USP20: variants seen among roughly 807,000 people sequenced by gnomAD.
USP20 encodes the protein ubiquitin specific peptidase 20.
USP20 carries 80 observed loss-of-function variants against 124.2 expected under a neutral mutation model. The ratio of observed to expected loss-of-function variants is 0.64; its 90% CI spans 0.54 to 0.78. The LOEUF (loss-of-function observed/expected upper bound fraction) is 0.78, where lower values mean the gene tolerates loss of function less well. Ranked by LOEUF, USP20 falls within the 30% of genes least tolerant of loss-of-function variation. USP20 has a pLI of 0.00. For synonymous variants in USP20, 481 were observed against 512.3 expected (o/e 0.94, Z 0.83); for missense variants, 1,043 against 1,244.4 (o/e 0.84, Z 2.44).
chr9:129,880,936 C>G lies in USP20; in HGVS notation c.*486C>G, dbSNP rs1012632262. On this transcript the variant is annotated 3_prime_UTR_variant, in exon 26 of 26. Coordinates refer to ENST00000372429, the MANE Select transcript of USP20 (RefSeq NM_001110303.4). ...GTCCTCCCTGGTGGTCCCGCCGCAC[C>G]TCTGCATCTCCTGGGCGTCACCAGG... The G allele has an allele frequency of 6.5e-6, 1 of 152,696 alleles. No homozygotes were observed. Among genetic ancestry groups the G allele is most frequent in the African/African-American group, 2.4e-5 (1 of 41,462 alleles). 9.5% of individuals were successfully genotyped at this position (152,696 alleles called of 1,614,324 possible). A position where few individuals can be genotyped will look rare whatever the true frequency, so the allele number is the denominator to read the frequency against.
At chr9:129,843,195 C>T (rs1261375154) in intron 1 of USP20, among the ~76,000 whole-genome samples, 2 of 151,402 alleles carry the variant, frequency 1.3e-5, no homozygotes, top group African/African-American at 2.4e-5. Flanking sequence ...TTTGGGAGGC[C>T]GCAGTGGACA....
intron 22 of USP20, 109 bp from the exon 23 acceptor site, chr9:129,878,229 T>G (rs936094695): frequency 1.2e-6 from 1 of 865,912 alleles, no homozygotes; most frequent in Non-Finnish European, 1.9e-6. Context: ...GGTGTTTTTG[T>G]AAGACTCTTG....
chr9:129,873,455 C>T lies in USP20; in HGVS notation c.1661-27C>T, dbSNP rs1426043278. The T allele has an allele frequency of 1.3e-5, 21 of 1,614,090 alleles. No individual in the cohort carries two copies. In the East Asian group the frequency reaches 1.6e-4, roughly 12 times the overall value. Reference sequence around the variant, plus strand: ...TCCCTCATTTTGCATCCTTGCTAACCTCTGACCCTTTGTTTTACTGCCCTA... The same window carrying T: ...TCCCTCATTTTGCATCCTTGCTAACTTCTGACCCTTTGTTTTACTGCCCTA... On this transcript the variant is annotated intron_variant, in intron 15 of 25. Transcript: ENST00000372429.
At position 129,873,700 on chromosome 9, in the gene USP20, C is replaced by G. The variant is rs2034246433; in HGVS notation, c.1696C>G (p.Leu566Val). ...NMYSCERCKKLRNGVKYCKVL... is the reference protein window; with the variant it reads ...NMYSCERCKKVRNGVKYCKVL... Reference sequence around the variant, plus strand: ...TGCTGGCTCGTGCTTCCTCCCCAGGCTGCGGAACGGAGTGAAGTACTGCAA... The same window carrying G: ...TGCTGGCTCGTGCTTCCTCCCCAGGGTGCGGAACGGAGTGAAGTACTGCAA... The change falls in exon 17 of 26, where the codon CTG becomes GTG. Residue 566 changes from leucine (L) to valine (V), a missense_variant and splice_region_variant. Transcript: ENST00000372429. The G allele has an allele frequency of 6.2e-7, 1 of 1,613,366 alleles. No individual in the cohort carries two copies. The highest frequency in any genetic ancestry group is 1.7e-5 in the Admixed American group (1 of 60,010).
At position 129,876,054 on chromosome 9, in the gene USP20, A is replaced by G. The variant is rs999162017; in HGVS notation, c.2301-76A>G. On this transcript the variant is annotated intron_variant, in intron 21 of 25. Transcript: ENST00000372429. ...GGGGGCACTGATGGCTTGAGGGGGA[A>G]GTGGAAGGCAGTGATCACTCTCCCC... The G allele has an allele frequency of 2.3e-6, 3 of 1,285,894 alleles. No homozygotes were observed. In the East Asian group the frequency reaches 7.6e-5, roughly 32 times the overall value. 79.7% of individuals were successfully genotyped at this position (1,285,894 alleles called of 1,614,324 possible).
At chr9:129,859,449 T>C (rs2033421659) in intron 6 of USP20, among the ~76,000 whole-genome samples, 1 of 150,588 alleles carries the variant, frequency 6.6e-6, no homozygotes, top group African/African-American at 2.4e-5. Flanking sequence ...AATTTTCATA[T>C]TTTTAGTAGA....
intron 1 of USP20, among the ~76,000 whole-genome samples, chr9:129,846,571 T>C (rs1179755923): frequency 6.6e-6 from 1 of 151,350 alleles, no homozygotes; most frequent in African/African-American, 2.4e-5. Context: ...TAGTGTTTTA[T>C]AACTTTGTAT....
At chr9:129,880,058 G>T in intron 24 of USP20, 55 bp from the exon 25 acceptor site, 5 of 1,591,938 alleles carry the variant, frequency 3.1e-6, no homozygotes, top group Non-Finnish European at 4.3e-6. Flanking sequence ...GCCCAGGCCG[G>T]TGGCTTCCTT....
Position 129,876,141 on chromosome 9 carries a change from G to GC in USP20, c.2316dup (p.Ala773ArgfsTer72). ...CACCCTGGGCACAGATTCGGGGGTG[G>GC]CCCCGCCGTGAACCACCTGTACGTG... On this transcript the variant is annotated frameshift_variant, in exon 22 of 26. Coordinates refer to ENST00000372429, the MANE Select transcript of USP20 (RefSeq NM_001110303.4). LOFTEE classifies it high-confidence loss of function. 2 of 1,612,578 alleles carry GC rather than the reference G, an allele frequency of 1.2e-6. No individual in the cohort carries two copies. The highest frequency in any genetic ancestry group is 1.7e-6 in the Non-Finnish European group (2 of 1,179,636).
rs528301345 is a variant in USP20 at position 129,839,264 on chromosome 9, C to T, written c.-129+3765C>T. ...ATGGATTTAGTTTGGAACCTTGCCA[C>T]CTCCCAGGGTGGTTGTGAGGGTCCA... On this transcript the variant is annotated intron_variant, in intron 1 of 25. Transcript: ENST00000372429. This position sits in a 1 kb window ranked among gnomAD's most constrained non-coding sequence, Gnocchi z 4.5. 6.6e-6 allele frequency among the ~76,000 whole-genome samples: 1 copy of T among 152,286 alleles called. No individual in the cohort carries two copies. The highest frequency in any genetic ancestry group is 2.1e-4 in the South Asian group (1 of 4,830).
chr9:129,879,800 C>T lies in USP20; in HGVS notation c.2584+156C>T, dbSNP rs192466584. On this transcript the variant is annotated intron_variant, in intron 24 of 25. Coordinates refer to ENST00000372429, the MANE Select transcript of USP20 (RefSeq NM_001110303.4). This position sits in a 1 kb window ranked among gnomAD's most constrained non-coding sequence, Gnocchi z 4.2. ...CAGACCCAGGCGGCTGAGAGATGGC[C>T]CAAGGGGCTTGGTCTCTGCTTGTGT... 4.6e-5 allele frequency among the ~76,000 whole-genome samples: 7 copies of T among 152,178 alleles called. No individual in the cohort carries two copies. In the East Asian group the frequency reaches 1.4e-3, roughly 30 times the overall value.
At chr9:129,857,510 T>C (rs562012420) in intron 4 of USP20, among the ~76,000 whole-genome samples, 1 of 152,214 alleles carries the variant, frequency 6.6e-6, no homozygotes, top group Admixed American at 6.5e-5. Flanking sequence ...TGGGTAGATT[T>C]GGGATAGGAG....
In USP20 at chr9:129,835,466, C is replaced by G. The variant is rs1338284248; in HGVS notation, c.-162C>G. 1 of 425,314 alleles carries G rather than the reference C, an allele frequency of 2.4e-6. No homozygotes were observed. The highest frequency in any genetic ancestry group is 2.1e-5 in the African/African-American group (1 of 47,314). 26.3% of individuals were successfully genotyped at this position (425,314 alleles called of 1,614,324 possible). On this transcript the variant is annotated 5_prime_UTR_variant, in exon 1 of 26. Coordinates refer to ENST00000372429, the MANE Select transcript of USP20 (RefSeq NM_001110303.4). ...GTCGCCTCAGAGGGGGCGCGCTTGA[C>G]TGACAGGCGGCGGCGGCGCAGTTGC...
intron 5 of USP20, 122 bp from the exon 6 acceptor site, chr9:129,858,345 C>T: frequency 2.0e-6 from 3 of 1,465,028 alleles, no homozygotes; most frequent in Admixed American, 4.1e-5. Flanking sequence ...AAAATTTGAG[C>T]TTCCGGCCTC....
intron 10 of USP20, 136 bp downstream of exon 10, chr9:129,865,517 C>A (rs1471350984): frequency 3.5e-6 from 3 of 861,072 alleles, no homozygotes; most frequent in Non-Finnish European, 5.6e-6. Flanking sequence ...GGCTCTCACT[C>A]CTAAGCCCTT....
intron 5 of USP20, 139 bp downstream of exon 5, chr9:129,858,251 A>G (rs1564205223): frequency 8.7e-6 from 10 of 1,152,148 alleles, no homozygotes; most frequent in Non-Finnish European, 1.3e-5. Context: ...CAAAGAAGCA[A>G]GAGAGAATGC....
intron 10 of USP20, 127 bp downstream of exon 10, chr9:129,865,508 GCT>G: frequency 1.1e-6 from 1 of 945,118 alleles, no homozygotes; most frequent in Non-Finnish European, 1.7e-6. Context: ...CACGGACCAG[GCT>G]CTCACTCCTA....
In USP20 at chr9:129,869,862, C is replaced by T. The variant is rs1355430251; in HGVS notation, c.1565+18C>T. The stretch of plus-strand genomic sequence containing the variant: ...ATCCGACGGTGCGCCCACCTTGCCA[C>T]TACTGGGCGACATGGGCTGGGCCTG... On this transcript the variant is annotated intron_variant, in intron 14 of 25. Transcript: ENST00000372429. The T allele has an allele frequency of 6.3e-7, 1 of 1,591,596 alleles. No individual in the cohort carries two copies. The highest frequency in any genetic ancestry group is 1.4e-5 in the African/African-American group (1 of 69,890).
chr9:129,867,134 T>G (rs1453450594), intron 10 of USP20, among the ~76,000 whole-genome samples: 2 of 152,130 alleles, frequency 1.3e-5, no homozygotes, highest in African/African-American at 2.4e-5. Context: ...TGGGGCTGAT[T>G]TGGGCTCGGA....
Sources: allele counts gnomAD v4.1 joint callset (sites outside exome capture counted in the v4.1 genomes callset), GRCh38; gene constraint gnomAD v4.1.1; non-coding constraint Gnocchi (gnomAD v3.1); transcripts MANE v1.5; gene names NCBI Gene and HGNC (gene_info 2026-07-23, HGNC 2026-07-21).